The following NPAS3 variants were observed in gnomAD, a reference collection of about 807,000 sequenced individuals.
NPAS3 encodes neuronal PAS domain-containing protein 3.
A neutral mutation model predicts 73.1 loss-of-function variants in NPAS3; 14 were observed. That is an observed-to-expected ratio of 0.19 (90% CI 0.13 to 0.30). The LOEUF is 0.30. NPAS3 is among the 10% of genes least tolerant of loss of function. NPAS3 has a pLI of 1.00. For synonymous variants in NPAS3, 620 were observed against 541.5 expected (o/e 1.14, Z -2.01); for missense variants, 1,096 against 1,250.0 (o/e 0.88, Z 1.86).
rs548003447 is a variant in NPAS3 at position 33,720,846 on chromosome 14, C to T, written c.734-14368C>T. 5.3e-5 allele frequency among the ~76,000 whole-genome samples: 8 copies of T among 152,108 alleles called. No individual in the cohort carries two copies. In the South Asian group the frequency reaches 1.5e-3, roughly 28 times the overall value. On this transcript the variant is annotated intron_variant, in intron 6 of 11. Transcript: ENST00000356141. ...TTAAAGAGTCTTTTAAGAGAGAATC[C>T]TCAATCATTTGTTAATCCATGGGGT... is the stretch of plus-strand genomic sequence containing the variant.
Position 33,308,510 on chromosome 14 carries a change from T to TTATATATATA in NPAS3, c.386-58667_386-58658dup, listed in dbSNP as rs67518761. 5.0e-3 allele frequency among the ~76,000 whole-genome samples: 414 copies of TTATATATATA among 83,372 alleles called. 6 individuals are homozygous for TTATATATATA. The highest frequency in any genetic ancestry group is 0.022 in the African/African-American group (360 of 16,244). 54.7% of individuals were successfully genotyped at this position (83,372 alleles called of 152,430 possible). On this transcript the variant is annotated intron_variant, in intron 3 of 11. Transcript: ENST00000356141. ...TTTTCTAAAGGGACTATTGCATAGT[T>TTATATATATA]TATATATATATATATATACATACAC...
intron 3 of NPAS3, among the ~76,000 whole-genome samples, chr14:33,352,308 T>C (rs1370347824): frequency 4.6e-5 from 7 of 152,234 alleles, no homozygotes; most frequent in African/African-American, 1.4e-4. Context: ...GGAAAAGTCA[T>C]ATACACCACT....
At chr14:33,274,022 C>T (rs542436610) in intron 3 of NPAS3, among the ~76,000 whole-genome samples, 1 of 152,150 alleles carries the variant, frequency 6.6e-6, no homozygotes, top group Non-Finnish European at 1.5e-5. Flanking sequence ...CGGACAGCCC[C>T]CTTTCCCCAA....
chr14:33,005,717 T>TC (rs1160993960), intron 1 of NPAS3, among the ~76,000 whole-genome samples: 1 of 152,218 alleles, frequency 6.6e-6, no homozygotes, highest in African/African-American at 2.4e-5. Flanking sequence ...AAGCAACTGC[T>TC]CCTTGGACGT....
intron 5 of NPAS3, among the ~76,000 whole-genome samples, chr14:33,580,287 A>G (rs1291198634): frequency 6.6e-6 from 1 of 152,200 alleles, no homozygotes; most frequent in Non-Finnish European, 1.5e-5. Flanking sequence ...TTAACTGGGC[A>G]AAAGAAGCTG....
chr14:33,215,377 T>C (rs766613942), exon 3 of NPAS3: 28 of 1,613,696 alleles, frequency 1.7e-5, no homozygotes, highest in Non-Finnish European at 2.4e-5. Context: ...AGGGGGACCC[T>C]CCGTGGAACT....
At chr14:33,066,612 G>A (rs1437527284) in intron 2 of NPAS3, among the ~76,000 whole-genome samples, 1 of 152,162 alleles carries the variant, frequency 6.6e-6, no homozygotes, top group Non-Finnish European at 1.5e-5. Flanking sequence ...GGTCTGTTCA[G>A]GAGAAATTTG....
chr14:33,674,777 T>C (rs2059711741), intron 5 of NPAS3, among the ~76,000 whole-genome samples: 1 of 152,238 alleles, frequency 6.6e-6, no homozygotes, highest in Non-Finnish European at 1.5e-5. Context: ...AAACTGAATT[T>C]AGCCTCCTGT....
chr14:33,297,780 G>C (rs557485060), intron 3 of NPAS3, among the ~76,000 whole-genome samples: 15 of 152,298 alleles, frequency 9.8e-5, no homozygotes, highest in African/African-American at 2.4e-4. Context: ...TTCTGAGCTC[G>C]CTAGTTCACT....
At chr14:33,141,301 G>A (rs2044034509) in intron 2 of NPAS3, among the ~76,000 whole-genome samples, 1 of 152,172 alleles carries the variant, frequency 6.6e-6, no homozygotes, top group Non-Finnish European at 1.5e-5. Context: ...TACTAAGGGG[G>A]AAATGATGAT....
At chr14:33,754,801 T>C (rs538457667) in intron 7 of NPAS3, among the ~76,000 whole-genome samples, 36 of 152,314 alleles carry the variant, frequency 2.4e-4, no homozygotes, top group Middle Eastern at 3.4e-3. Context: ...AGACATGGTG[T>C]TTGACTATTG....
chr14:33,209,549 G>A (rs993856980), intron 2 of NPAS3, among the ~76,000 whole-genome samples: 1 of 152,184 alleles, frequency 6.6e-6, no homozygotes, highest in Admixed American at 6.6e-5. Flanking sequence ...AAAGGTTCAT[G>A]AGTTAAAATG....
intron 2 of NPAS3, among the ~76,000 whole-genome samples, chr14:33,151,627 G>T (rs546989125): frequency 7.1e-4 from 108 of 152,064 alleles, no homozygotes; most frequent in African/African-American, 2.5e-3. Context: ...TTTTATCATT[G>T]AATCCAGTTA....
intron 4 of NPAS3, among the ~76,000 whole-genome samples, chr14:33,462,325 T>A (rs910397253): frequency 2.0e-5 from 3 of 152,156 alleles, no homozygotes; most frequent in Non-Finnish European, 4.4e-5. Context: ...CTGGCAAACC[T>A]CTGGTTCTCG....
chr14:33,692,010 A>G (rs2060249461), intron 6 of NPAS3, among the ~76,000 whole-genome samples: 1 of 152,166 alleles, frequency 6.6e-6, no homozygotes, highest in Non-Finnish European at 1.5e-5. Context: ...CAATTCAATT[A>G]TAGTTTTGTG....
chr14:33,272,093 C>T (rs556095460), intron 3 of NPAS3, among the ~76,000 whole-genome samples: 2 of 152,174 alleles, frequency 1.3e-5, no homozygotes, highest in African/African-American at 4.8e-5. Flanking sequence ...AGCCTCCTTG[C>T]GTAGCACTTG....
chr14:33,801,205 C>G, downstream of NPAS3: 1 of 1,504,404 alleles, frequency 6.6e-7, no homozygotes, highest in Admixed American at 2.4e-5. Context: ...TGAATTCGAG[C>G]AGGTCAGCGT....
intron 3 of NPAS3, among the ~76,000 whole-genome samples, chr14:33,297,838 A>T (rs10872874): frequency 0.71 from 108,153 of 152,118 alleles, 38,900 homozygotes; most frequent in Non-Finnish European, 0.76. Flanking sequence ...ATGTTATTTA[A>T]CATCACAGCG....
intron 5 of NPAS3, among the ~76,000 whole-genome samples, chr14:33,575,684 T>G (rs1403958430): frequency 6.6e-6 from 1 of 152,234 alleles, no homozygotes; most frequent in African/African-American, 2.4e-5. Context: ...GTGAAAAATT[T>G]TTAAATGCCT....
Sources: allele counts gnomAD v4.1 joint callset (sites outside exome capture counted in the v4.1 genomes callset), GRCh38; gene constraint gnomAD v4.1.1; transcripts MANE v1.5; gene names NCBI Gene and HGNC (gene_info 2026-07-23, HGNC 2026-07-21).